LRRTM4: variants seen among roughly 807,000 people sequenced by gnomAD.
LRRTM4 encodes leucine rich repeat transmembrane neuronal 4.
In LRRTM4, 25 loss-of-function variants were observed where a neutral mutation model predicts 47.6. The ratio of observed to expected loss-of-function variants is 0.53; its 90% confidence interval spans 0.38 to 0.73. The LOEUF is 0.73. LRRTM4 is among the 30% of genes least tolerant of loss of function. The probability of loss-of-function intolerance (pLI) is 0.00; values close to 1 mark genes in which losing one functional copy is unlikely to be tolerated. For missense variants in LRRTM4, 638 were observed against 713.4 expected (o/e 0.89, Z 1.20); for synonymous variants, 311 against 269.5 (o/e 1.15, Z -1.51).
intron 3 of LRRTM4, among the ~76,000 whole-genome samples, chr2:77,008,051 C>T (rs1481850011): frequency 2.0e-5 from 3 of 152,166 alleles, no homozygotes; most frequent in African/African-American, 7.2e-5. Flanking sequence ...ATGTAAACCA[C>T]ACCAAAGTGA....
At chr2:76,868,059 A>G (rs1323024881) in intron 3 of LRRTM4, among the ~76,000 whole-genome samples, 2 of 152,120 alleles carry the variant, frequency 1.3e-5, no homozygotes, top group Admixed American at 6.5e-5. Flanking sequence ...GTTGACTCAG[A>G]TGTTCCGTCC....
At chr2:77,127,226 A>G (rs920412201) in intron 3 of LRRTM4, among the ~76,000 whole-genome samples, 21 of 152,248 alleles carry the variant, frequency 1.4e-4, no homozygotes, top group Admixed American at 1.4e-3. Flanking sequence ...TAGTGCTTTC[A>G]TAGGATTTTG....
At chr2:77,164,695 A>T (rs1367595713) in intron 3 of LRRTM4, among the ~76,000 whole-genome samples, 2 of 152,298 alleles carry the variant, frequency 1.3e-5, no homozygotes, top group East Asian at 1.9e-4. Context: ...AAACTGAACA[A>T]CCTGCTCCTG....
At chr2:76,772,389 A>T (rs553169559) in intron 3 of LRRTM4, among the ~76,000 whole-genome samples, 1 of 152,310 alleles carries the variant, frequency 6.6e-6, no homozygotes, top group African/African-American at 2.4e-5. Context: ...AAGAAAAATT[A>T]AATGGGAAAG....
intron 3 of LRRTM4, chr2:76,985,823 AAAG>A (rs1250363933): frequency 6.6e-6 from 1 of 151,916 alleles, no homozygotes. Flanking sequence ...TTTAATCATA[AAAG>A]AATATTGAAA....
chr2:76,897,979 TTA>T (rs1352184969), intron 3 of LRRTM4, among the ~76,000 whole-genome samples: 1 of 152,156 alleles, frequency 6.6e-6, no homozygotes, highest in Admixed American at 6.6e-5. Flanking sequence ...TTTAATCTTT[TTA>T]TGTTTCCAAA....
At chr2:77,264,359 C>A in intron 3 of LRRTM4, among the ~76,000 whole-genome samples, 1 of 150,086 alleles carries the variant, frequency 6.7e-6, no homozygotes, top group East Asian at 1.9e-4. Flanking sequence ...ACCATGCATG[C>A]AAGTGAGCGC....
intron 3 of LRRTM4, among the ~76,000 whole-genome samples, chr2:77,036,096 A>C (rs1481824647): frequency 1.3e-5 from 2 of 151,890 alleles, no homozygotes; most frequent in African/African-American, 4.8e-5. Context: ...ATGCATATGC[A>C]TGAGTAGTAA....
At chr2:76,798,890 G>C (rs1675506247) in intron 3 of LRRTM4, among the ~76,000 whole-genome samples, 2 of 152,098 alleles carry the variant, frequency 1.3e-5, no homozygotes, top group African/African-American at 4.8e-5. Context: ...ACTCTCCCAA[G>C]ACTAAACCAG....
intron 3 of LRRTM4, among the ~76,000 whole-genome samples, chr2:76,855,526 A>G (rs1434262672): frequency 6.6e-6 from 1 of 152,246 alleles, no homozygotes; most frequent in Non-Finnish European, 1.5e-5. Flanking sequence ...GTGCCGAAGT[A>G]AATAGACTTC....
At chr2:77,120,378 C>T (rs1458563160) in intron 3 of LRRTM4, among the ~76,000 whole-genome samples, 1 of 151,678 alleles carries the variant, frequency 6.6e-6, no homozygotes, top group Non-Finnish European at 1.5e-5. Context: ...TAAACTCAGT[C>T]TGGAACTTGG....
intron 3 of LRRTM4, among the ~76,000 whole-genome samples, chr2:76,834,841 C>T (rs942621271): frequency 2.6e-5 from 4 of 152,200 alleles, no homozygotes; most frequent in South Asian, 2.1e-4. Flanking sequence ...TGCAATAGTA[C>T]TTGAATAAAT....
intron 3 of LRRTM4, among the ~76,000 whole-genome samples, chr2:76,791,373 T>C (rs747480047): frequency 9.9e-5 from 15 of 152,150 alleles, no homozygotes; most frequent in Non-Finnish European, 1.8e-4. Flanking sequence ...TGAAACTCAG[T>C]GAAAGGCATT....
At chr2:77,030,561 CTTCCAGAATTTATAG>C (rs1678617887) in intron 3 of LRRTM4, among the ~76,000 whole-genome samples, 2 of 152,138 alleles carry the variant, frequency 1.3e-5, no homozygotes, top group South Asian at 4.1e-4. Context: ...AGGATTTATA[CTTCCAGAATTTATAG>C]AGGATGAAAA....
rs546534271 is a variant in LRRTM4 at position 76,802,092 on chromosome 2, A to G, written c.1552-53176T>C. ...AAGGATGCCCACTATTGCCACTTTT[A>G]TTCAATACAGTATTGAAAGTCCTAG... On this transcript the variant is annotated intron_variant, in intron 3 of 3. Coordinates refer to ENST00000409884, the MANE Select transcript of LRRTM4 (RefSeq NM_001134745.3). 1.9e-4 allele frequency among the ~76,000 whole-genome samples: 29 copies of G among 152,266 alleles called. 1 individual carries two copies. In the South Asian group the frequency reaches 5.8e-3, roughly 30 times the overall value.
intron 3 of LRRTM4, among the ~76,000 whole-genome samples, chr2:76,979,004 TAC>T (rs1573396097): frequency 6.6e-6 from 1 of 152,058 alleles, no homozygotes; most frequent in East Asian, 1.9e-4. Flanking sequence ...TAAAACATGA[TAC>T]AGAGTGGAGG....
chr2:77,211,456 C>A (rs575225277), intron 3 of LRRTM4, among the ~76,000 whole-genome samples: 1 of 152,262 alleles, frequency 6.6e-6, no homozygotes, highest in East Asian at 1.9e-4. Context: ...GGAAACAAAT[C>A]TGAGAGCAAA....
intron 3 of LRRTM4, among the ~76,000 whole-genome samples, chr2:76,885,717 G>C (rs975402134): frequency 6.6e-6 from 1 of 151,882 alleles, no homozygotes; most frequent in African/African-American, 2.4e-5. Flanking sequence ...CGCCCGCCTC[G>C]GCCTCCCAAA....
chr2:76,833,933 A>G (rs1031284028), intron 3 of LRRTM4, among the ~76,000 whole-genome samples: 1 of 151,640 alleles, frequency 6.6e-6, no homozygotes, highest in Admixed American at 6.6e-5. Flanking sequence ...TATCCTTCAT[A>G]TAAGCAATTT....
Sources: gnomAD v4.1 joint callset for allele counts (sites outside exome capture counted in the v4.1 genomes callset) on GRCh38, gnomAD v4.1.1 for gene constraint, MANE v1.5 for transcripts, NCBI Gene and HGNC (gene_info 2026-07-23, HGNC 2026-07-21) for gene names.